MINDY4: variants seen among roughly 807,000 people sequenced by gnomAD.
MINDY4 encodes MINDY lysine 48 deubiquitinase 4.
Under a neutral mutation model 87.0 loss-of-function variants are expected in MINDY4, and 68 were observed. The ratio of observed to expected loss-of-function variants is 0.78; its 90% CI spans 0.64 to 0.96. MINDY4 has a LOEUF of 0.96. Among genes scored for constraint, MINDY4 ranks in the 40% least tolerant of loss-of-function variants. The pLI, the probability that MINDY4 is intolerant of heterozygous loss-of-function variation, is 0.00. For synonymous variants in MINDY4, 379 were observed against 363.2 expected (o/e 1.04, Z -0.50); for missense variants, 919 against 928.2 (o/e 0.99, Z 0.13).
chr7:30,858,260 G>A (rs1789638711), intron 12 of MINDY4: 1 of 152,202 alleles, frequency 6.6e-6, no homozygotes, highest in African/African-American at 2.4e-5. Context: ...AGATGGGCAG[G>A]GCAGAGCCAG....
In MINDY4 at chr7:30,892,331, G is replaced by GC. The variant is rs1790813325; in HGVS notation, c.*329dup. 2.9e-6 allele frequency: 1 copy of GC among 350,854 alleles called. No homozygotes were observed. Among genetic ancestry groups the GC allele is most frequent in the Middle Eastern group, 7.6e-4 (1 of 1,318 alleles). 21.7% of individuals were successfully genotyped at this position (350,854 alleles called of 1,614,324 possible). A position where few individuals can be genotyped will look rare whatever the true frequency, so the allele number is the denominator to read the frequency against. On this transcript the variant is annotated 3_prime_UTR_variant, in exon 18 of 18. Transcript: ENST00000265299. Reference sequence around the variant, plus strand: ...CTCACCCAGGCCTCCAATGTGGTTGGCCCTGGGGACTCATTACTTCTGGTA... The same window carrying GC: ...CTCACCCAGGCCTCCAATGTGGTTGGCCCCTGGGGACTCATTACTTCTGGTA...
chr7:30,839,513 C>T (rs1788969053), intron 8 of MINDY4, among the ~76,000 whole-genome samples, 197 bp downstream of exon 8: 1 of 152,192 alleles, frequency 6.6e-6, no homozygotes, highest in Non-Finnish European at 1.5e-5. Context: ...GGAATAAGAC[C>T]CTCTGCTTTG....
intron 5 of MINDY4, among the ~76,000 whole-genome samples, chr7:30,808,076 G>C (rs1406782596): frequency 6.6e-6 from 1 of 152,220 alleles, no homozygotes; most frequent in Non-Finnish European, 1.5e-5. Flanking sequence ...CTGCCCTGTG[G>C]GGGACTCTGG....
At chr7:30,815,360 G>C (rs539416599) in intron 5 of MINDY4, among the ~76,000 whole-genome samples, 1 of 152,228 alleles carries the variant, frequency 6.6e-6, no homozygotes, top group Non-Finnish European at 1.5e-5. Context: ...AGGCTGGGCT[G>C]CCAGGAAGCC....
intron 5 of MINDY4, among the ~76,000 whole-genome samples, chr7:30,793,522 C>T (rs1787387389): frequency 6.6e-6 from 1 of 151,614 alleles, no homozygotes. Context: ...CTCAGGCAAT[C>T]CTCCCACCTT....
intron 11 of MINDY4, among the ~76,000 whole-genome samples, chr7:30,852,790 C>T (rs1044582977): frequency 3.3e-5 from 5 of 152,242 alleles, no homozygotes; most frequent in Non-Finnish European, 7.3e-5. Flanking sequence ...TGAAGTTTTT[C>T]AGCTACCTCT....
At chr7:30,867,910 G>A (rs1399348232) in intron 13 of MINDY4, among the ~76,000 whole-genome samples, 3 of 152,166 alleles carry the variant, frequency 2.0e-5, no homozygotes, top group Non-Finnish European at 4.4e-5. Context: ...ATCCTAGGAG[G>A]CCCCTAGAGA....
intron 5 of MINDY4, among the ~76,000 whole-genome samples, chr7:30,804,379 T>C (rs866016268): frequency 8.5e-5 from 13 of 152,182 alleles, no homozygotes; most frequent in African/African-American, 3.1e-4. Flanking sequence ...AAGTAAACAG[T>C]TTTTGATCTC....
intron 2 of MINDY4, 145 bp downstream of exon 2, chr7:30,778,696 A>G (rs1786904597): frequency 1.1e-5 from 10 of 898,350 alleles, no homozygotes; most frequent in Non-Finnish European, 1.8e-5. Flanking sequence ...GACCCCCCAA[A>G]TGTGGACAGA....
At chr7:30,830,760 A>G (rs1379277628) in intron 6 of MINDY4, among the ~76,000 whole-genome samples, 1 of 152,200 alleles carries the variant, frequency 6.6e-6, no homozygotes, top group African/African-American at 2.4e-5. Context: ...CAGTTCTGGA[A>G]GCTTCCATAG....
At chr7:30,815,078 A>T (rs568595013) in intron 5 of MINDY4, among the ~76,000 whole-genome samples, 3 of 152,272 alleles carry the variant, frequency 2.0e-5, no homozygotes, top group Admixed American at 2.0e-4. Flanking sequence ...GGTCTTTATA[A>T]GGACAGTCAT....
chr7:30,800,306 G>C (rs1172650029), intron 5 of MINDY4, among the ~76,000 whole-genome samples: 1 of 152,194 alleles, frequency 6.6e-6, no homozygotes, highest in Non-Finnish European at 1.5e-5. Context: ...TCTTTTACAG[G>C]TTAGGATACA....
chr7:30,859,116 C>T, intron 12 of MINDY4, 141 bp from the exon 13 acceptor site: 1 of 793,612 alleles, frequency 1.3e-6, no homozygotes, highest in Non-Finnish European at 2.2e-6. Flanking sequence ...AGCCTTCGGG[C>T]CACCCAGCAA....
At chr7:30,792,248 CTATGA>C (rs1442094843) in intron 5 of MINDY4, among the ~76,000 whole-genome samples, 2 of 152,166 alleles carry the variant, frequency 1.3e-5, no homozygotes, top group Non-Finnish European at 2.9e-5. Flanking sequence ...TCCCACTTGG[CTATGA>C]TATATTATCT....
intron 13 of MINDY4, among the ~76,000 whole-genome samples, chr7:30,868,544 G>A (rs993690005): frequency 5.9e-5 from 9 of 152,214 alleles, no homozygotes; most frequent in African/African-American, 2.2e-4. Flanking sequence ...AGGTGGAGAA[G>A]GGAAGCAGAG....
At chr7:30,861,467 A>G (rs1189308660) in intron 13 of MINDY4, among the ~76,000 whole-genome samples, 2 of 152,238 alleles carry the variant, frequency 1.3e-5, no homozygotes, top group Non-Finnish European at 2.9e-5. Context: ...CTTCAAGATT[A>G]TACAGCAAGT....
chr7:30,864,847 G>A (rs543005748), intron 13 of MINDY4, among the ~76,000 whole-genome samples: 2 of 152,236 alleles, frequency 1.3e-5, no homozygotes, highest in Non-Finnish European at 2.9e-5. Context: ...TCTCAGTAAT[G>A]GAGAAAAGAG....
In MINDY4 at chr7:30,875,583, C is replaced by T. The variant is rs199523592; in HGVS notation, c.1898C>T (p.Thr633Ile). The T allele has an allele frequency of 5.9e-5, 96 of 1,614,210 alleles. No homozygotes were observed. The highest frequency in any genetic ancestry group is 7.5e-5 in the Non-Finnish European group (89 of 1,180,034). ...CTGGATTCTGGGGATGGGAACATCA[C>T]ACTTCTCAGAGGCATTGCTGCACGC... is the stretch of plus-strand genomic sequence containing the variant. ...VELDSGDGNI[T>I]LLRGIAARSD... is the part of the protein sequence containing the mutation. Residue 633 changes from threonine (T) to isoleucine (I), a missense_variant, in exon 15 of 18, where the codon ACA (threonine) becomes ATA (isoleucine). Coordinates refer to ENST00000265299, the MANE Select transcript of MINDY4 (RefSeq NM_032222.3).
At chr7:30,828,085 T>C (rs1214514601) in intron 5 of MINDY4, among the ~76,000 whole-genome samples, 1 of 152,090 alleles carries the variant, frequency 6.6e-6, no homozygotes, top group Non-Finnish European at 1.5e-5. Context: ...GGTGGACCCT[T>C]TTAAGAAAGC....
Sources: gnomAD v4.1 joint callset for allele counts (sites outside exome capture counted in the v4.1 genomes callset) on GRCh38, gnomAD v4.1.1 for gene constraint, MANE v1.5 for transcripts, NCBI Gene and HGNC (gene_info 2026-07-23, HGNC 2026-07-21) for gene names.